CIMAP3: variants seen among roughly 807,000 people sequenced by gnomAD.
CIMAP3 encodes ciliary microtubule-associated protein 3.
chr1:111,337,642 CT>C, the CIMAP3 span, among the ~76,000 whole-genome samples: 2 of 152,208 alleles, frequency 1.3e-5, no homozygotes, highest in African/African-American at 4.8e-5. Context: ...ACAAGAAGAG[CT>C]AACTATCCTA....
At chr1:111,346,754 A>C in the CIMAP3 span, 91 of 1,555,374 alleles carry the variant, frequency 5.9e-5, 1 homozygote, top group Non-Finnish European at 7.7e-5. Flanking sequence ...AGTGGGAGGA[A>C]GTGCAGTTCG....
chr1:111,350,000 C>T, the CIMAP3 span: 2 of 761,934 alleles, frequency 2.6e-6, no homozygotes, highest in South Asian at 3.8e-5. Context: ...CAATCTGTTG[C>T]CTTTTTCCAA....
chr1:111,345,384 A>G, the CIMAP3 span, among the ~76,000 whole-genome samples: 2 of 152,310 alleles, frequency 1.3e-5, no homozygotes, highest in African/African-American at 2.4e-5. Flanking sequence ...AATGTATATA[A>G]CTACTACTAA....
the CIMAP3 span, among the ~76,000 whole-genome samples, chr1:111,333,600 AC>A: frequency 7.9e-3 from 1,202 of 152,244 alleles, 16 homozygotes; most frequent in African/African-American, 0.027. Flanking sequence ...TCTTCTGCTT[AC>A]CTTTTCCCCA....
At chr1:111,334,588 T>C in the CIMAP3 span, among the ~76,000 whole-genome samples, 1 of 152,128 alleles carries the variant, frequency 6.6e-6, no homozygotes, top group African/African-American at 2.4e-5. Context: ...GATATGTGAG[T>C]TCTCTGACCA....
the CIMAP3 span, chr1:111,346,915 G>T: frequency 6.2e-7 from 1 of 1,613,754 alleles, no homozygotes; most frequent in East Asian, 2.2e-5. Context: ...TTTAGACGCT[G>T]CGGATAACTA....
At chr1:111,335,209 C>A in the CIMAP3 span, among the ~76,000 whole-genome samples, 12 of 144,630 alleles carry the variant, frequency 8.3e-5, no homozygotes, top group African/African-American at 2.3e-4. Context: ...AAATTTCCTA[C>A]AAGAGAGGAG....
At chr1:111,347,001 C>G in the CIMAP3 span, 47 of 1,613,884 alleles carry the variant, frequency 2.9e-5, no homozygotes, top group African/African-American at 1.5e-4. Flanking sequence ...ACAAGTTTGT[C>G]CCTCTTAGGG....
chr1:111,347,509 G>C, the CIMAP3 span, among the ~76,000 whole-genome samples: 1 of 152,176 alleles, frequency 6.6e-6, no homozygotes. Context: ...GACCTCAAAG[G>C]AGTCAAGACA....
chr1:111,334,391 G>A, the CIMAP3 span, among the ~76,000 whole-genome samples: 5 of 152,176 alleles, frequency 3.3e-5, no homozygotes, highest in African/African-American at 1.2e-4. Flanking sequence ...CAGTGACCTA[G>A]CAGTAAAGAA....
At chr1:111,337,236 C>T in the CIMAP3 span, among the ~76,000 whole-genome samples, 7 of 152,164 alleles carry the variant, frequency 4.6e-5, no homozygotes, top group Non-Finnish European at 7.3e-5. Flanking sequence ...CCAGCCACTG[C>T]AAAATCATGC....
chr1:111,335,546 A>G, the CIMAP3 span, among the ~76,000 whole-genome samples: 1 of 152,170 alleles, frequency 6.6e-6, no homozygotes, highest in Non-Finnish European at 1.5e-5. Flanking sequence ...CCAGGAGATT[A>G]TATCCAGCAC....
chr1:111,344,249 C>T, the CIMAP3 span, among the ~76,000 whole-genome samples: 3 of 152,166 alleles, frequency 2.0e-5, no homozygotes, highest in African/African-American at 7.2e-5. Context: ...TAAAGCTGAA[C>T]TTCAGGGTTT....
the CIMAP3 span, among the ~76,000 whole-genome samples, chr1:111,327,002 A>G: frequency 6.6e-6 from 1 of 152,068 alleles, no homozygotes; most frequent in Non-Finnish European, 1.5e-5. Context: ...GTCCCTGTCT[A>G]TGAATACTTC....
chr1:111,346,927 C>G, the CIMAP3 span: 3 of 1,613,776 alleles, frequency 1.9e-6, no homozygotes, highest in East Asian at 4.5e-5. Context: ...GGATAACTAC[C>G]CTTTTGGAAC....
At chr1:111,333,922 T>C in the CIMAP3 span, among the ~76,000 whole-genome samples, 2 of 152,228 alleles carry the variant, frequency 1.3e-5, no homozygotes, top group African/African-American at 2.4e-5. Flanking sequence ...GCCTGGTCTG[T>C]CATTCTCATT....
the CIMAP3 span, among the ~76,000 whole-genome samples, chr1:111,330,029 G>A: frequency 1.9e-5 from 1 of 52,550 alleles, no homozygotes; most frequent in Non-Finnish European, 4.1e-5. Context: ...TTGTGGATCT[G>A]TCAGATCCAT....
At chr1:111,329,428 C>T in the CIMAP3 span, among the ~76,000 whole-genome samples, 1 of 150,254 alleles carries the variant, frequency 6.7e-6, no homozygotes, top group South Asian at 2.1e-4. Context: ...GGATGATATA[C>T]TGATACATGT....
the CIMAP3 span, chr1:111,347,177 C>A: frequency 1.8e-6 from 2 of 1,112,924 alleles, no homozygotes; most frequent in Non-Finnish European, 2.5e-6. Flanking sequence ...CATAAGAAAG[C>A]GCTCTGTTCT....
Sources: allele counts gnomAD v4.1 joint callset (sites outside exome capture counted in the v4.1 genomes callset), GRCh38; gene constraint gnomAD v4.1.1; transcripts MANE v1.5; gene names NCBI Gene and HGNC (gene_info 2026-07-23, HGNC 2026-07-21).